The following MGAM2 variants were observed in gnomAD, a reference collection of about 807,000 sequenced individuals.
MGAM2 encodes the protein maltase-glucoamylase 2 (putative).
Under a neutral mutation model 96.1 loss-of-function variants are expected in MGAM2, and 98 were observed. The ratio of observed to expected loss-of-function variants is 1.02; its 90% CI spans 0.87 to 1.21. The LOEUF (loss-of-function observed/expected upper bound fraction) is 1.21, where lower values mean the gene tolerates loss of function less well. MGAM2 is among the 50% of genes most tolerant of loss of function. The pLI is 0.00. For synonymous variants in MGAM2, 749 were observed against 414.8 expected, an observed-to-expected ratio of 1.81 and a Z score of -9.79; for missense variants, 2,055 against 1,182.4, an observed-to-expected ratio of 1.74 and a Z score of -10.82.
chr7:142,207,727 C>G (rs1326103979), intron 45 of MGAM2, among the ~76,000 whole-genome samples: 1 of 152,062 alleles, frequency 6.6e-6, no homozygotes, highest in Non-Finnish European at 1.5e-5. Flanking sequence ...CCGCGCCCAG[C>G]CCAGCAAAGG....
intron 46 of MGAM2, among the ~76,000 whole-genome samples, chr7:142,214,379 C>T (rs1797682453): frequency 6.6e-6 from 1 of 152,140 alleles, no homozygotes; most frequent in Non-Finnish European, 1.5e-5. Context: ...TCTCTATTTG[C>T]AGATGATGTG....
Position 142,172,137 on chromosome 7 carries a change from G to A in MGAM2, c.3391G>A (p.Ala1131Thr). The change falls in exon 29 of 48, where the codon GCA becomes ACA. Residue 1131 changes from alanine (A) to threonine (T), a missense_variant. By Grantham distance (58) the Ala-to-Thr change is moderately conservative. Coordinates refer to ENST00000477922, the MANE Select transcript of MGAM2 (RefSeq NM_001293626.2). ...NSYGVHPYYM[A>T]LEEDGSAHGV... is the part of the protein sequence containing the mutation. Reference sequence around the variant, plus strand: ...CTATGGTGTCCACCCTTACTACATGGCACTGGAGGAGGATGGTAGTGCCCA... The same window carrying A: ...CTATGGTGTCCACCCTTACTACATGACACTGGAGGAGGATGGTAGTGCCCA... 1.4e-6 allele frequency: 1 copy of A among 735,944 alleles called. No individual in the cohort carries two copies. The allele number at this position is 735,944 out of a possible 1,614,324, so 45.6% of individuals were successfully genotyped here. A position where few individuals can be genotyped will look rare whatever the true frequency, so the allele number is the denominator to read the frequency against.
intron 46 of MGAM2, among the ~76,000 whole-genome samples, chr7:142,217,962 T>C (rs960698427): frequency 2.0e-5 from 3 of 152,108 alleles, no homozygotes; most frequent in Admixed American, 6.5e-5. Context: ...CACACACCTA[T>C]AGTCCCAGCT....
Position 142,221,099 on chromosome 7 carries a change from C to T in MGAM2, c.6588C>T (p.Asn2196=). Residue 2196 remains asparagine, a synonymous_variant, in exon 48 of 48, where the codon AAC becomes AAT. Transcript: ENST00000477922. ...LANTGVDTTS[N]SFSIMTTSFS... is the part of the protein sequence containing the mutation. ...ATACTGGTGTTGACACTACTAGCAACAGTTTTTCCATTATGACCACTTCTT... is the reference window on the plus strand; with the variant it reads ...ATACTGGTGTTGACACTACTAGCAATAGTTTTTCCATTATGACCACTTCTT... 1 of 702,492 alleles carries T rather than the reference C, an allele frequency of 1.4e-6. No individual in the cohort carries two copies. Among genetic ancestry groups the T allele is most frequent in the Non-Finnish European group, 2.6e-6 (1 of 384,764 alleles). 43.5% of individuals were successfully genotyped at this position (702,492 alleles called of 1,614,324 possible).
chr7:142,146,508 T>C (rs147002623), intron 14 of MGAM2, among the ~76,000 whole-genome samples: 8 of 152,206 alleles, frequency 5.3e-5, no homozygotes, highest in African/African-American at 1.9e-4. Flanking sequence ...CCCACCACTT[T>C]CTGGAATTGT....
intron 37 of MGAM2, among the ~76,000 whole-genome samples, chr7:142,193,819 A>G (rs1392271386): frequency 6.6e-6 from 1 of 152,086 alleles, no homozygotes; most frequent in East Asian, 1.9e-4. Context: ...CCCTTGGATA[A>G]GCACAAACAC....
At chr7:142,142,524 GTTTTTTTTTTT>G (rs746342532) in intron 12 of MGAM2, among the ~76,000 whole-genome samples, 2 of 78,890 alleles carry the variant, frequency 2.5e-5, no homozygotes, top group East Asian at 4.4e-4. Flanking sequence ...AGTGGTGTGT[GTTTTTTTTTTT>G]TTTTTTTTTT....
intron 1 of MGAM2, among the ~76,000 whole-genome samples, chr7:142,116,584 C>G (rs1031011218): frequency 1.3e-5 from 2 of 152,210 alleles, no homozygotes; most frequent in African/African-American, 4.8e-5. Flanking sequence ...GTGTGTTATT[C>G]CACAACATTT....
At chr7:142,157,303 A>G (rs981847307) in intron 17 of MGAM2, among the ~76,000 whole-genome samples, 2 of 152,114 alleles carry the variant, frequency 1.3e-5, no homozygotes, top group African/African-American at 4.8e-5. Context: ...CCCTGGAGGG[A>G]GCAAGTCCCA....
intron 27 of MGAM2, among the ~76,000 whole-genome samples, chr7:142,170,794 G>A (rs1364060885): frequency 6.6e-6 from 1 of 152,160 alleles, no homozygotes; most frequent in South Asian, 2.1e-4. Flanking sequence ...TCACCTGTGT[G>A]TGCACCTTTG....
chr7:142,171,789 A>G (rs183464912), intron 28 of MGAM2, among the ~76,000 whole-genome samples: 2 of 151,288 alleles, frequency 1.3e-5, no homozygotes, highest in African/African-American at 2.4e-5. Flanking sequence ...ATTTAATAAG[A>G]CACTGTCTTT....
chr7:142,134,007 A>T lies in MGAM2; in HGVS notation c.602A>T (p.Gln201Leu), dbSNP rs911390921. 1.1e-5 allele frequency: 8 copies of T among 723,476 alleles called. No homozygotes were observed. Among genetic ancestry groups the T allele is most frequent in the Admixed American group, 1.9e-5 (1 of 52,288 alleles). The allele number at this position is 723,476 out of a possible 1,614,324, so 44.8% of individuals were successfully genotyped here. A position where few individuals can be genotyped will look rare whatever the true frequency, so the allele number is the denominator to read the frequency against. ...VLLDTSIGPL[Q>L]FAQQYLQLSF... ...TTGGACACGAGCATCGGGCCCCTCCAGTTTGCCCAGCAGTACCTGCAACTG... is the reference window on the plus strand; with the variant it reads ...TTGGACACGAGCATCGGGCCCCTCCTGTTTGCCCAGCAGTACCTGCAACTG... The change falls in exon 7 of 48, where the codon CAG becomes CTG. Residue 201 changes from glutamine to leucine, a missense_variant. Gln to Leu is a moderately radical substitution (Grantham distance 113). Transcript: ENST00000477922.
chr7:142,198,301 AC>A (rs936303095), intron 43 of MGAM2, 106 bp downstream of exon 43: 2 of 638,608 alleles, frequency 3.1e-6, no homozygotes, highest in African/African-American at 3.6e-5. Flanking sequence ...AATAATTTTG[AC>A]CTTTTTAGCC....
chr7:142,151,523 G>C (rs539535200), intron 15 of MGAM2, among the ~76,000 whole-genome samples: 4 of 152,052 alleles, frequency 2.6e-5, no homozygotes, highest in Admixed American at 6.6e-5. Flanking sequence ...AATGAGACTC[G>C]GATTGGTATT....
chr7:142,131,910 C>A, intron 5 of MGAM2, 21 bp from the exon 6 acceptor site: 1 of 697,032 alleles, frequency 1.4e-6, no homozygotes, highest in Non-Finnish European at 2.6e-6. Flanking sequence ...GCAGTTGTCC[C>A]TTCTGTTTTT....
chr7:142,141,135 A>G lies in MGAM2; in HGVS notation c.1317+16A>G, dbSNP rs1177231004. The G allele has an allele frequency of 1.4e-6, 1 of 692,418 alleles. No homozygotes were observed. Among genetic ancestry groups the G allele is most frequent in the Admixed American group, 2.1e-5 (1 of 47,740 alleles). The allele number at this position is 692,418 out of a possible 1,614,324, so 42.9% of individuals were successfully genotyped here. ...TGTTGGGGAGGTAATTTCTTAAGAA[A>G]ATCAAAGTAAATTATGATTGTTTTG... On this transcript the variant is annotated intron_variant, in intron 12 of 47. Coordinates refer to ENST00000477922, the MANE Select transcript of MGAM2 (RefSeq NM_001293626.2).
chr7:142,149,488 C>A (rs1234289697), intron 15 of MGAM2, among the ~76,000 whole-genome samples: 1 of 151,968 alleles, frequency 6.6e-6, no homozygotes, highest in Non-Finnish European at 1.5e-5. Flanking sequence ...GAGATGTTTA[C>A]CTAATTTTTA....
At chr7:142,183,774 C>T (rs944938283) in intron 33 of MGAM2, among the ~76,000 whole-genome samples, 4 of 152,074 alleles carry the variant, frequency 2.6e-5, no homozygotes, top group African/African-American at 9.7e-5. Context: ...AGATTCTCCT[C>T]TTTCTCTTGT....
In MGAM2 at chr7:142,208,623, G is replaced by A. The variant is rs1245956527; in HGVS notation, c.5187+1G>A. 4 of 702,536 alleles carry A rather than the reference G, an allele frequency of 5.7e-6. No individual in the cohort carries two copies. Among genetic ancestry groups the A allele is most frequent in the Non-Finnish European group, 1.0e-5 (4 of 384,884 alleles). 43.5% of individuals were successfully genotyped at this position (702,536 alleles called of 1,614,324 possible). A position where few individuals can be genotyped will look rare whatever the true frequency, so the allele number is the denominator to read the frequency against. ...TTTGGCAAACTTTATAGCAGCTCAG[G>A]TAAGACTAATTTACTACATTTTACA... On this transcript the variant is annotated splice_donor_variant, in intron 46 of 47. Coordinates refer to ENST00000477922, the MANE Select transcript of MGAM2 (RefSeq NM_001293626.2). LOFTEE classifies it high-confidence loss of function.
Sources: allele counts gnomAD v4.1 joint callset (sites outside exome capture counted in the v4.1 genomes callset), GRCh38; gene constraint gnomAD v4.1.1; transcripts MANE v1.5; gene names NCBI Gene and HGNC (gene_info 2026-07-23, HGNC 2026-07-21).